IDNK: variants seen among roughly 807,000 people sequenced by gnomAD.
IDNK encodes IDNK gluconokinase, also known as gluconokinase.
Under a neutral mutation model 13.0 loss-of-function variants are expected in IDNK, and 9 were observed. The observed-to-expected ratio is 0.69, with a 90% CI of 0.42 to 1.21. IDNK has a LOEUF of 1.21. Ranked by LOEUF, IDNK falls within the 50% of genes most tolerant of loss-of-function variation. The pLI, the probability that IDNK is intolerant of heterozygous loss-of-function variation, is 0.00. For missense variants in IDNK, 210 were observed against 237.8 expected, an observed-to-expected ratio of 0.88 and a Z score of 0.77; for synonymous variants, 92 against 94.9, an observed-to-expected ratio of 0.97 and a Z score of 0.18.
chr9:83,635,460 A>G (rs1174101928), intron 3 of IDNK, among the ~76,000 whole-genome samples: 1 of 152,248 alleles, frequency 6.6e-6, no homozygotes, highest in East Asian at 1.9e-4. Flanking sequence ...GCCAATGGCC[A>G]AGGCACCATG....
chr9:83,626,585 T>G, intron 1 of IDNK: 3 of 612,132 alleles, frequency 4.9e-6, no homozygotes, highest in Non-Finnish European at 8.0e-6. Flanking sequence ...CCCAGCTAAG[T>G]TTTGTATTTT....
Position 83,641,536 on chromosome 9 carries a change from T to G in IDNK, c.169-12T>G. The G allele has an allele frequency of 6.2e-7, 1 of 1,614,020 alleles. No homozygotes were observed. The highest frequency in any genetic ancestry group is 8.5e-7 in the Non-Finnish European group (1 of 1,180,018). Reference sequence around the variant, plus strand: ...CACGTTGTGTCTGGGTTTTTGTTTTTGTTTTTTTCAGGACCGGATTCCATG... The same window carrying G: ...CACGTTGTGTCTGGGTTTTTGTTTTGGTTTTTTTCAGGACCGGATTCCATG... On this transcript the variant is annotated splice_polypyrimidine_tract_variant and intron_variant, in intron 3 of 4. Transcript: ENST00000376419.
chr9:83,635,008 CTGAA>C (rs756248057), intron 3 of IDNK, among the ~76,000 whole-genome samples: 1 of 152,184 alleles, frequency 6.6e-6, no homozygotes, highest in Non-Finnish European at 1.5e-5. Flanking sequence ...ATTCTTCTTG[CTGAA>C]TGGAGATTCG....
chr9:83,637,237 G>A (rs10512136), intron 3 of IDNK, among the ~76,000 whole-genome samples: 39,162 of 152,244 alleles, frequency 0.26, 6,364 homozygotes, highest in East Asian at 0.8. Flanking sequence ...GTGCATGGAA[G>A]TAAAGTCTTA....
In IDNK at chr9:83,643,494, T is replaced by C. The variant is rs755841647; in HGVS notation, c.278T>C (p.Ile93Thr). 19 of 1,613,636 alleles carry C rather than the reference T, an allele frequency of 1.2e-5. No individual in the cohort carries two copies. Among genetic ancestry groups the C allele is most frequent in the Non-Finnish European group, 1.4e-5 (16 of 1,179,928 alleles). The change falls in exon 5 of 5, where the codon ATA (isoleucine) becomes ACA (threonine). Residue 93 changes from isoleucine to threonine, a missense_variant. Physicochemically the swap from Ile to Thr is moderately conservative, Grantham distance 89. Coordinates refer to ENST00000376419, the MANE Select transcript of IDNK (RefSeq NM_001001551.4). The part of the protein sequence containing the change: ...CSALKKTYRD[I>T]LTQGKDGVAL... ...GCCCTGAAGAAAACGTACAGAGACA[T>C]ATTAACACAAGGAAAAGATGGTGTA...
intron 1 of IDNK, among the ~76,000 whole-genome samples, chr9:83,624,748 C>A (rs1830802266): frequency 6.6e-6 from 1 of 151,938 alleles, no homozygotes; most frequent in Admixed American, 6.6e-5. Flanking sequence ...AGCTTCACTC[C>A]TGTTGCCCAG....
intron 1 of IDNK, among the ~76,000 whole-genome samples, chr9:83,625,995 T>G (rs1830838523): frequency 6.6e-6 from 1 of 152,256 alleles, no homozygotes; most frequent in Non-Finnish European, 1.5e-5. Flanking sequence ...ACAATCTTAA[T>G]GAAGCCACCC....
intron 3 of IDNK, among the ~76,000 whole-genome samples, chr9:83,634,443 A>G (rs911526735): frequency 1.3e-5 from 2 of 152,258 alleles, no homozygotes; most frequent in African/African-American, 4.8e-5. Context: ...CCATTAAGGC[A>G]CTATTAAAAC....
At chr9:83,639,669 T>G (rs1422712955) in intron 3 of IDNK, among the ~76,000 whole-genome samples, 13 of 152,054 alleles carry the variant, frequency 8.5e-5, no homozygotes, top group Admixed American at 3.9e-4. Context: ...ATATCAAGAC[T>G]GGGGAAAATG....
intron 3 of IDNK, among the ~76,000 whole-genome samples, chr9:83,639,015 G>A (rs1295103422): frequency 6.6e-6 from 1 of 152,064 alleles, no homozygotes; most frequent in Non-Finnish European, 1.5e-5. Flanking sequence ...GTACATGTGG[G>A]ACATTTATAA....
chr9:83,623,386 C>A, intron 1 of IDNK, 165 bp downstream of exon 1: 2 of 667,888 alleles, frequency 3.0e-6, no homozygotes, highest in Non-Finnish European at 2.5e-6. Context: ...CCTCTCCCCG[C>A]CCTCCAGCCT....
At chr9:83,634,768 TAAGA>T (rs752764618) in intron 3 of IDNK, among the ~76,000 whole-genome samples, 1 of 152,238 alleles carries the variant, frequency 6.6e-6, no homozygotes, top group Non-Finnish European at 1.5e-5. Flanking sequence ...CCTCTGCTAA[TAAGA>T]AAGAAATTCT....
In IDNK at chr9:83,629,625, C is replaced by G. The variant is rs11140182; in HGVS notation, c.168+666C>G. ...GCTAGCCCTTCTCATCCTTTGATCT[C>G]AGCACCCATGCTGCTTCCTCAGGGA... On this transcript the variant is annotated intron_variant, in intron 3 of 4. Coordinates refer to ENST00000376419, the MANE Select transcript of IDNK (RefSeq NM_001001551.4). Among the ~76,000 whole-genome samples, 1,266 of 152,316 alleles carry G rather than the reference C, an allele frequency of 8.3e-3. 36 individuals are homozygous for G. The highest frequency in any genetic ancestry group is 0.046 in the East Asian group (237 of 5,176).
At chr9:83,637,749 T>C (rs866462291) in intron 3 of IDNK, among the ~76,000 whole-genome samples, 1 of 152,158 alleles carries the variant, frequency 6.6e-6, no homozygotes, top group East Asian at 1.9e-4. Flanking sequence ...GGAGATAAGA[T>C]TGTAAGCCTG....
At position 83,637,346 on chromosome 9, in the gene IDNK, T is replaced by C. The variant is rs77754558; in HGVS notation, c.169-4202T>C. Among the ~76,000 whole-genome samples, 114 of 152,344 alleles carry C rather than the reference T, an allele frequency of 7.5e-4. 1 individual carries two copies. In the East Asian group the frequency reaches 0.021, roughly 28 times the overall value. On this transcript the variant is annotated intron_variant, in intron 3 of 4. Coordinates refer to ENST00000376419, the MANE Select transcript of IDNK (RefSeq NM_001001551.4). Reference sequence around the variant, plus strand: ...TATTTGATATGAAGAAAAAGAAATATTATTTCTAATTCTCCTCTTCCTTCT... The same window carrying C: ...TATTTGATATGAAGAAAAAGAAATACTATTTCTAATTCTCCTCTTCCTTCT...
chr9:83,642,136 A>T (rs1005932846), intron 4 of IDNK, among the ~76,000 whole-genome samples: 1 of 149,808 alleles, frequency 6.7e-6, no homozygotes, highest in Non-Finnish European at 1.5e-5. Context: ...GCTCTGCAGC[A>T]TGCCCCTGAG....
chr9:83,631,096 A>G (rs1236224785), intron 3 of IDNK, among the ~76,000 whole-genome samples: 2 of 152,154 alleles, frequency 1.3e-5, no homozygotes, highest in African/African-American at 4.8e-5. Context: ...GCACCAATAC[A>G]GCTCCTGGTT....
At chr9:83,631,937 A>G (rs1331879925) in intron 3 of IDNK, among the ~76,000 whole-genome samples, 1 of 152,014 alleles carries the variant, frequency 6.6e-6, no homozygotes, top group Non-Finnish European at 1.5e-5. Flanking sequence ...CTTCAACTTC[A>G]AAGTCTATTG....
At chr9:83,624,162 A>G (rs1046407211) in intron 1 of IDNK, among the ~76,000 whole-genome samples, 1 of 152,216 alleles carries the variant, frequency 6.6e-6, no homozygotes, top group Non-Finnish European at 1.5e-5. Context: ...GAAATAAAAC[A>G]TGGAGCCCCC....
Sources: gnomAD v4.1 joint callset for allele counts (sites outside exome capture counted in the v4.1 genomes callset) on GRCh38, gnomAD v4.1.1 for gene constraint, MANE v1.5 for transcripts, NCBI Gene and HGNC (gene_info 2026-07-23, HGNC 2026-07-21) for gene names.